Variants in KDM4C observed in about 807,000 individuals in gnomAD.
KDM4C encodes the protein lysine-specific demethylase 4C.
KDM4C carries 81 observed loss-of-function variants against 129.3 expected under a neutral mutation model. The observed-to-expected ratio is 0.63, with a 90% CI of 0.52 to 0.75. KDM4C has a LOEUF of 0.75. Ranked by LOEUF, KDM4C falls within the 30% of genes least tolerant of loss-of-function variation. The pLI, the probability that KDM4C is intolerant of heterozygous loss-of-function variation, is 0.00. For synonymous variants in KDM4C, 573 were observed against 456.1 expected (o/e 1.26, Z -3.26); for missense variants, 1,457 against 1,304.0 (o/e 1.12, Z -1.81).
chr9:7,049,118 C>G lies in KDM4C; in HGVS notation c.2342C>G (p.Ala781Gly). Residue 781 changes from alanine (A) to glycine (G), a missense_variant, in exon 17 of 22, where the codon GCG (alanine) becomes GGG (glycine). By Grantham distance (60) the Ala-to-Gly change is moderately conservative. Coordinates refer to ENST00000381309, the MANE Select transcript of KDM4C (RefSeq NM_015061.6). ...NKWAHVMCAV[A>G]VPEVRFTNVP... ...TGGGCCCATGTCATGTGCGCCGTTG[C>G]GGTCCCAGAAGTTCGATTCACTAAT... The G allele has an allele frequency of 6.2e-7, 1 of 1,611,920 alleles. No homozygotes were observed. Among genetic ancestry groups the G allele is most frequent in the Non-Finnish European group, 8.5e-7 (1 of 1,178,444 alleles).
chr9:6,771,498 A>T (rs1821836337), intron 1 of KDM4C, among the ~76,000 whole-genome samples: 1 of 151,344 alleles, frequency 6.6e-6, no homozygotes, highest in Non-Finnish European at 1.5e-5. Context: ...TTTAGTAGAG[A>T]CGGGGTTTCT....
intron 5 of KDM4C, among the ~76,000 whole-genome samples, 197 bp downstream of exon 5, chr9:6,849,897 C>G (rs77902741): frequency 0.066 from 9,987 of 152,212 alleles, 467 homozygotes; most frequent in South Asian, 0.18. Flanking sequence ...CATGGTAACT[C>G]GTACAGTCAT....
At chr9:6,852,189 A>G (rs996617976) in intron 5 of KDM4C, among the ~76,000 whole-genome samples, 1 of 152,208 alleles carries the variant, frequency 6.6e-6, no homozygotes, top group Admixed American at 6.5e-5. Flanking sequence ...AAACTTTGTC[A>G]TTATTAAAAT....
intron 8 of KDM4C, among the ~76,000 whole-genome samples, chr9:6,915,828 T>C (rs1820210575): frequency 6.6e-6 from 1 of 152,186 alleles, no homozygotes; most frequent in African/African-American, 2.4e-5. Flanking sequence ...GATGACGTTA[T>C]CAAGTGTCAG....
chr9:6,963,264 T>TTAG (rs1293548044), intron 8 of KDM4C, among the ~76,000 whole-genome samples: 7 of 152,228 alleles, frequency 4.6e-5, no homozygotes, highest in Non-Finnish European at 8.8e-5. Context: ...ACAAATGCTT[T>TTAG]TAGTAGTATT....
chr9:6,822,444 T>C (rs1157122203), intron 4 of KDM4C, among the ~76,000 whole-genome samples: 6 of 152,230 alleles, frequency 3.9e-5, no homozygotes, highest in Non-Finnish European at 7.3e-5. Context: ...ATTGATTCAT[T>C]GCAAGAAAGA....
chr9:6,735,987 C>T (rs1490832040), intron 1 of KDM4C, among the ~76,000 whole-genome samples: 4 of 152,074 alleles, frequency 2.6e-5, no homozygotes, highest in South Asian at 2.1e-4. Flanking sequence ...CAGATGGAAA[C>T]GCGGAACTTG....
chr9:7,095,110 G>C (rs534466210), intron 17 of KDM4C, among the ~76,000 whole-genome samples: 3 of 152,346 alleles, frequency 2.0e-5, no homozygotes, highest in African/African-American at 7.2e-5. Flanking sequence ...ATGCCTGGGG[G>C]AAGTTGGACA....
intron 17 of KDM4C, among the ~76,000 whole-genome samples, chr9:7,058,954 C>T (rs924807076): frequency 1.3e-5 from 2 of 151,944 alleles, no homozygotes; most frequent in Non-Finnish European, 2.9e-5. Context: ...AGATTTGTTG[C>T]CTGTGAAAGA....
chr9:6,832,211 G>A (rs1300016136), intron 4 of KDM4C, among the ~76,000 whole-genome samples: 3 of 151,010 alleles, frequency 2.0e-5, no homozygotes, highest in Admixed American at 6.6e-5. Flanking sequence ...GTGGTGGTGG[G>A]AGCCTGTAGT....
chr9:6,961,223 T>A lies in KDM4C; in HGVS notation c.922-19702T>A, dbSNP rs532392048. ...AAAGTTAAATATTGCTATAGCCTAA[T>A]AGTCATGAAATAGAAAAGGATGGCT... On this transcript the variant is annotated intron_variant, in intron 8 of 21. Transcript: ENST00000381309. 1.3e-4 allele frequency among the ~76,000 whole-genome samples: 20 copies of A among 152,348 alleles called. 1 individual carries two copies. In the South Asian group the frequency reaches 3.5e-3, roughly 27 times the overall value.
chr9:6,978,500 C>T (rs1833309075), intron 8 of KDM4C: 1 of 152,120 alleles, frequency 6.6e-6, no homozygotes, highest in Admixed American at 6.6e-5. Flanking sequence ...TTCTGTACCT[C>T]CTGAAGGGTA....
intron 8 of KDM4C, among the ~76,000 whole-genome samples, chr9:6,919,251 C>CTTTCTTTCTTTCTTTCT (rs1820950946): frequency 2.5e-3 from 138 of 55,942 alleles, no homozygotes; most frequent in African/African-American, 0.01. Flanking sequence ...TCTTTCTTTT[C>CTTTCTTTCTTTCTTTCT]TTTCTTTCTT....
At chr9:7,127,939 T>TA (rs201317082) in intron 18 of KDM4C, 127 bp from the exon 19 acceptor site, 1 of 859,754 alleles carries the variant, frequency 1.2e-6, no homozygotes, top group African/African-American at 1.8e-5. Context: ...AATATTAAGT[T>TA]AAAAATTTTT....
intron 2 of KDM4C, among the ~76,000 whole-genome samples, chr9:6,798,717 C>G (rs1828251481): frequency 6.6e-6 from 1 of 152,244 alleles, no homozygotes; most frequent in South Asian, 2.1e-4. Context: ...CACAAAACCG[C>G]CATTGTCATC....
chr9:6,989,115 TC>T (rs1818274040), intron 11 of KDM4C, among the ~76,000 whole-genome samples: 1 of 152,212 alleles, frequency 6.6e-6, no homozygotes, highest in Non-Finnish European at 1.5e-5. Context: ...TGTTATAATT[TC>T]CCATATTGTT....
At chr9:7,050,192 A>G (rs1028496721) in intron 17 of KDM4C, among the ~76,000 whole-genome samples, 3 of 152,160 alleles carry the variant, frequency 2.0e-5, no homozygotes, top group African/African-American at 4.8e-5. Flanking sequence ...ACCTCCATCA[A>G]GAATTTCACT....
intron 12 of KDM4C, among the ~76,000 whole-genome samples, chr9:6,996,226 C>G (rs1453847766): frequency 1.3e-5 from 2 of 152,198 alleles, no homozygotes; most frequent in African/African-American, 2.4e-5. Context: ...GCATTCTTAT[C>G]AGCAGCACTT....
intron 8 of KDM4C, among the ~76,000 whole-genome samples, chr9:6,896,012 C>G (rs1816369157): frequency 6.6e-6 from 1 of 152,078 alleles, no homozygotes; most frequent in Non-Finnish European, 1.5e-5. Flanking sequence ...TATTTTTGAT[C>G]TCCAAGTCTG....
Sources: gnomAD v4.1 joint callset for allele counts (sites outside exome capture counted in the v4.1 genomes callset) on GRCh38, gnomAD v4.1.1 for gene constraint, MANE v1.5 for transcripts, NCBI Gene and HGNC (gene_info 2026-07-23, HGNC 2026-07-21) for gene names.